The following TXNL1 variants were observed in gnomAD, a reference collection of about 807,000 sequenced individuals.
TXNL1 encodes thioredoxin like 1.
TXNL1 carries 14 observed loss-of-function variants against 35.5 expected under a neutral mutation model. The ratio of observed to expected loss-of-function variants is 0.39; its 90% CI spans 0.26 to 0.62. The LOEUF is 0.62. Among genes scored for constraint, TXNL1 ranks in the 20% least tolerant of loss-of-function variants. The pLI is 0.47. For synonymous variants in TXNL1, 110 were observed against 115.5 expected, an observed-to-expected ratio of 0.95 and a Z score of 0.31; for missense variants, 263 against 349.7, an observed-to-expected ratio of 0.75 and a Z score of 1.98.
intron 6 of TXNL1, among the ~76,000 whole-genome samples, chr18:56,612,725 C>T (rs919582134): frequency 7.9e-5 from 12 of 152,090 alleles, no homozygotes; most frequent in African/African-American, 2.9e-4. Context: ...TGAGATGCCA[C>T]TCATTCGTCA....
chr18:56,628,757 C>G (rs2024325454), intron 1 of TXNL1, among the ~76,000 whole-genome samples: 1 of 152,150 alleles, frequency 6.6e-6, no homozygotes, highest in Admixed American at 6.5e-5. Context: ...ATTAATTGAA[C>G]TATACATTTC....
chr18:56,626,192 T>G lies in TXNL1; in HGVS notation c.195+169A>C. 3.0e-6 allele frequency: 4 copies of G among 1,353,134 alleles called. No individual in the cohort carries two copies. In the East Asian group the frequency reaches 1.1e-4, roughly 36 times the overall value. 83.8% of individuals were successfully genotyped at this position (1,353,134 alleles called of 1,614,324 possible). The stretch of plus-strand genomic sequence containing the variant: ...GCAATTAATAATGTGCTACTCTTCT[T>G]AACTAATGCAGCCATAATGACATCT... On this transcript the variant is annotated intron_variant, in intron 2 of 7. Transcript: ENST00000217515.
intron 2 of TXNL1, 200 bp downstream of exon 2, chr18:56,626,161 C>G (rs1015563109): frequency 5.4e-6 from 7 of 1,297,698 alleles, no homozygotes; most frequent in Non-Finnish European, 5.9e-6. Context: ...TTAATACAAA[C>G]CTGAAGCAAT....
rs561931977 is a variant in TXNL1, at chr18:56,600,310, A to G, written c.*2717T>C. Reference sequence around the variant, plus strand: ...GTTAAGTGGCTGCCTCCAACAGAATATTGAGACTGGGGAACAATGTGGGGC... The same window carrying G: ...GTTAAGTGGCTGCCTCCAACAGAATGTTGAGACTGGGGAACAATGTGGGGC... On this transcript the variant is annotated 3_prime_UTR_variant, in exon 8 of 8. Coordinates refer to ENST00000217515, the MANE Select transcript of TXNL1 (RefSeq NM_004786.3). 1 of 152,240 alleles carries G rather than the reference A, an allele frequency of 6.6e-6. No homozygotes were observed. Among genetic ancestry groups the G allele is most frequent in the Non-Finnish European group, 1.5e-5 (1 of 68,072 alleles). 9.4% of individuals were successfully genotyped at this position (152,240 alleles called of 1,614,324 possible).
At chr18:56,635,565 C>T (rs186911709) in intron 1 of TXNL1, among the ~76,000 whole-genome samples, 1 of 152,246 alleles carries the variant, frequency 6.6e-6, no homozygotes, top group African/African-American at 2.4e-5. Flanking sequence ...TTGACAAATT[C>T]ATAGAGACAG....
intron 6 of TXNL1, among the ~76,000 whole-genome samples, chr18:56,613,531 A>T (rs1401272515): frequency 6.6e-6 from 1 of 152,162 alleles, no homozygotes; most frequent in Admixed American, 6.5e-5. Flanking sequence ...ATCTTCAGAA[A>T]GGCTGGGTGT....
intron 1 of TXNL1, among the ~76,000 whole-genome samples, chr18:56,632,460 T>TA (rs147891581): frequency 0.021 from 3,251 of 152,340 alleles, 64 homozygotes; most frequent in East Asian, 0.077. Context: ...TCACCTCATT[T>TA]AAGCTTTATG....
At chr18:56,621,425 C>T (rs1226581545) in intron 3 of TXNL1, among the ~76,000 whole-genome samples, 1 of 151,934 alleles carries the variant, frequency 6.6e-6, no homozygotes, top group Non-Finnish European at 1.5e-5. Flanking sequence ...AACTCCTGAC[C>T]TCAGGTGATC....
chr18:56,633,414 T>C (rs1389179672), intron 1 of TXNL1, among the ~76,000 whole-genome samples: 8 of 135,148 alleles, frequency 5.9e-5, no homozygotes, highest in Non-Finnish European at 7.6e-5. Flanking sequence ...GCCACTGCAC[T>C]CCAGCCTAGG....
intron 3 of TXNL1, among the ~76,000 whole-genome samples, chr18:56,618,579 T>G (rs182585357): frequency 5.3e-4 from 80 of 151,952 alleles, no homozygotes; most frequent in Middle Eastern, 6.8e-3. Context: ...TATAATAATA[T>G]AGTAAATCCC....
intron 6 of TXNL1, among the ~76,000 whole-genome samples, chr18:56,612,206 G>T (rs34769931): frequency 0.066 from 10,014 of 151,406 alleles, 523 homozygotes; most frequent in East Asian, 0.23. Context: ...GGTATTAAGA[G>T]TTACAATTAC....
chr18:56,601,647 GTAGAATTTTTTCATAAACAAGTATA>G lies in TXNL1; in HGVS notation c.*1355_*1379del, dbSNP rs2023811819. 4.6e-5 allele frequency: 7 copies of G among 152,128 alleles called. No individual in the cohort carries two copies. The highest frequency in any genetic ancestry group is 4.6e-4 in the Admixed American group (7 of 15,272). The allele number at this position is 152,128 out of a possible 1,614,324, so 9.4% of individuals were successfully genotyped here. ...GGACTCTTTCAACACTAAAACTTCT[GTAGAATTTTTTCATAAACAAGTATA>G]AACACACTGCTCTCACAAAGGCAAA... On this transcript the variant is annotated 3_prime_UTR_variant, in exon 8 of 8. Transcript: ENST00000217515.
intron 1 of TXNL1, among the ~76,000 whole-genome samples, chr18:56,633,942 C>A (rs1370520916): frequency 7.2e-6 from 1 of 139,432 alleles, no homozygotes; most frequent in African/African-American, 2.6e-5. Flanking sequence ...TGAGATCATG[C>A]CACTGCACTC....
intron 6 of TXNL1, among the ~76,000 whole-genome samples, chr18:56,612,197 G>T (rs7244463): frequency 0.088 from 13,334 of 151,478 alleles, 1,383 homozygotes; most frequent in African/African-American, 0.25. Context: ...TGTTGAAAGG[G>T]TATTAAGAGT....
rs1419263256 is a variant in TXNL1, at chr18:56,601,006, C to T, written c.*2021G>A. On this transcript the variant is annotated 3_prime_UTR_variant, in exon 8 of 8. Coordinates refer to ENST00000217515, the MANE Select transcript of TXNL1 (RefSeq NM_004786.3). ...GAACAAGAAACTGAATACCAGTTTT[C>T]TAGATGCACTAATAAATAACTTCAG... 1 of 152,108 alleles carries T rather than the reference C, an allele frequency of 6.6e-6. No individual in the cohort carries two copies. The highest frequency in any genetic ancestry group is 1.5e-5 in the Non-Finnish European group (1 of 68,014). 9.4% of individuals were successfully genotyped at this position (152,108 alleles called of 1,614,324 possible).
In TXNL1 at chr18:56,617,999, ATTACCTG is replaced by A; in HGVS notation, c.490_492+4del. On this transcript the variant is annotated splice_donor_variant and splice_donor_region_variant and coding_sequence_variant and intron_variant, in exon 4 of 8. Transcript: ENST00000217515. LOFTEE classifies it high-confidence loss of function. Reference sequence around the variant, plus strand: ...TCCACAAGCTTATCTTCAGCCCTCAATTACCTGTTCATCACAGTCAGATTCCAAGAAG... The same window carrying A: ...TCCACAAGCTTATCTTCAGCCCTCAATTCATCACAGTCAGATTCCAAGAAG... 2 of 1,613,830 alleles carry A rather than the reference ATTACCTG, an allele frequency of 1.2e-6. No individual in the cohort carries two copies. Among genetic ancestry groups the A allele is most frequent in the Non-Finnish European group, 1.7e-6 (2 of 1,179,826 alleles).
Position 56,618,178 on chromosome 18 carries a change from A to G in TXNL1, c.370-52T>C, listed in dbSNP as rs775005858. On this transcript the variant is annotated intron_variant, in intron 3 of 7. Transcript: ENST00000217515. Reference sequence around the variant, plus strand: ...CAACATATTTGGATTAGGTATAAAAATGTTTAAAAAATTTAAATCTCTGAT... The same window carrying G: ...CAACATATTTGGATTAGGTATAAAAGTGTTTAAAAAATTTAAATCTCTGAT... 5.1e-6 allele frequency: 8 copies of G among 1,563,262 alleles called. No homozygotes were observed. In the East Asian group the frequency reaches 6.9e-5, roughly 13 times the overall value.
rs962353211 is a variant in TXNL1 at position 56,598,424 on chromosome 18, G to A, written c.*4603C>T. 3.3e-5 allele frequency: 5 copies of A among 152,212 alleles called. No homozygotes were observed. Among genetic ancestry groups the A allele is most frequent in the African/African-American group, 1.2e-4 (5 of 41,426 alleles). 9.4% of individuals were successfully genotyped at this position (152,212 alleles called of 1,614,324 possible). A position where few individuals can be genotyped will look rare whatever the true frequency, so the allele number is the denominator to read the frequency against. ...CCGGTATCAGTTTTCCTTGGACTGA[G>A]CCTTGTAGATAAGTAGGAATTGGTC... On this transcript the variant is annotated 3_prime_UTR_variant, in exon 8 of 8. Coordinates refer to ENST00000217515, the MANE Select transcript of TXNL1 (RefSeq NM_004786.3).
chr18:56,619,213 CAAAA>C (rs780757654), intron 3 of TXNL1, among the ~76,000 whole-genome samples: 2 of 64,982 alleles, frequency 3.1e-5, no homozygotes, highest in Non-Finnish European at 3.2e-5. Context: ...GACCCTGTCT[CAAAA>C]AAAAAAAAAA....
Sources: gnomAD v4.1 joint callset for allele counts (sites outside exome capture counted in the v4.1 genomes callset) on GRCh38, gnomAD v4.1.1 for gene constraint, MANE v1.5 for transcripts, NCBI Gene and HGNC (gene_info 2026-07-23, HGNC 2026-07-21) for gene names.